ARHGAP22: variants seen among roughly 807,000 people sequenced by gnomAD.
ARHGAP22 encodes rho GTPase-activating protein 22.
A neutral mutation model predicts 59.1 loss-of-function variants in ARHGAP22; 48 were observed. The observed-to-expected ratio is 0.81, with a 90% CI of 0.64 to 1.03. The LOEUF (loss-of-function observed/expected upper bound fraction) is 1.03. Among genes scored for constraint, ARHGAP22 ranks in the 50% least tolerant of loss-of-function variants. ARHGAP22 has a pLI of 0.00. For missense variants in ARHGAP22, 1,015 were observed against 958.7 expected, an observed-to-expected ratio of 1.06 and a Z score of -0.78; for synonymous variants, 445 against 416.4, an observed-to-expected ratio of 1.07 and a Z score of -0.84.
intron 1 of ARHGAP22, among the ~76,000 whole-genome samples, chr10:48,623,763 T>G (rs2061358421): frequency 6.6e-6 from 1 of 152,250 alleles, no homozygotes; most frequent in Non-Finnish European, 1.5e-5. Context: ...TGGAAGCTGC[T>G]GCAGTGAGAA....
chr10:48,605,115 G>C, upstream of ARHGAP22: 3 of 1,253,024 alleles, frequency 2.4e-6, no homozygotes, highest in Non-Finnish European at 3.0e-6. Flanking sequence ...CTGGGCGCAC[G>C]CGTGGCTGTC....
chr10:48,451,358 G>T, intron 8 of ARHGAP22: 1 of 731,646 alleles, frequency 1.4e-6, no homozygotes, highest in Non-Finnish European at 2.4e-6. Flanking sequence ...CCTTCCTCAG[G>T]CACAGAGCCG....
chr10:48,540,917 A>G (rs1409283428), intron 3 of ARHGAP22, among the ~76,000 whole-genome samples: 1 of 151,942 alleles, frequency 6.6e-6, no homozygotes, highest in Non-Finnish European at 1.5e-5. Context: ...AGGGGATCAC[A>G]TCTCAGGATC....
intron 3 of ARHGAP22, among the ~76,000 whole-genome samples, chr10:48,507,759 G>T (rs1419502765): frequency 6.6e-6 from 1 of 152,110 alleles, no homozygotes; most frequent in Non-Finnish European, 1.5e-5. Flanking sequence ...AACCTCAAGT[G>T]GGGGCGGCCA....
At chr10:48,434,456 T>G in the ARHGAP22 span, among the ~76,000 whole-genome samples, 1 of 152,226 alleles carries the variant, frequency 6.6e-6, no homozygotes, top group South Asian at 2.1e-4. Context: ...GACTTTTTTG[T>G]AGGGAAGTAG....
At chr10:48,569,863 G>A (rs1177407124) in intron 2 of ARHGAP22, among the ~76,000 whole-genome samples, 1 of 152,198 alleles carries the variant, frequency 6.6e-6, no homozygotes, top group Non-Finnish European at 1.5e-5. Context: ...GGTGTCATCA[G>A]GCCTCTTCTA....
intron 3 of ARHGAP22, among the ~76,000 whole-genome samples, chr10:48,482,209 C>T (rs2134108103): frequency 6.6e-6 from 1 of 152,256 alleles, no homozygotes; most frequent in African/African-American, 2.4e-5. Context: ...AAGTTTTCTT[C>T]TAGGTTTTCT....
At chr10:48,644,231 C>A (rs1007215590) in intron 1 of ARHGAP22, among the ~76,000 whole-genome samples, 1 of 152,150 alleles carries the variant, frequency 6.6e-6, no homozygotes, top group Non-Finnish European at 1.5e-5. Flanking sequence ...TATTAGGAAG[C>A]TGTAACAATT....
chr10:48,494,001 T>C (rs2050676914), intron 3 of ARHGAP22, among the ~76,000 whole-genome samples: 1 of 152,224 alleles, frequency 6.6e-6, no homozygotes. Flanking sequence ...GATAGTTACT[T>C]AATCTTTCTG....
intron 3 of ARHGAP22, chr10:48,493,447 A>G: frequency 3.3e-6 from 5 of 1,536,010 alleles, no homozygotes; most frequent in Non-Finnish European, 4.4e-6. Flanking sequence ...ACCCCTGGGC[A>G]TACGCCTGCT....
intron 3 of ARHGAP22, among the ~76,000 whole-genome samples, chr10:48,516,724 A>C (rs2053324612): frequency 6.6e-6 from 1 of 152,222 alleles, no homozygotes; most frequent in Non-Finnish European, 1.5e-5. Flanking sequence ...AACAGAAGAA[A>C]GGGAATAGTT....
intron 1 of ARHGAP22, among the ~76,000 whole-genome samples, chr10:48,604,407 G>A (rs993155422): frequency 1.3e-5 from 2 of 152,244 alleles, no homozygotes; most frequent in African/African-American, 4.8e-5. Flanking sequence ...TTGGCCACAG[G>A]GCAAATCTTG....
intron 4 of ARHGAP22, among the ~76,000 whole-genome samples, chr10:48,467,676 G>GA (rs2047852424): frequency 6.6e-6 from 1 of 152,128 alleles, no homozygotes; most frequent in Admixed American, 6.5e-5. Context: ...CAAAACTCTG[G>GA]AAAAATCGTA....
chr10:48,526,475 CAG>C (rs1160032453), intron 3 of ARHGAP22, among the ~76,000 whole-genome samples: 1 of 152,184 alleles, frequency 6.6e-6, no homozygotes, highest in African/African-American at 2.4e-5. Context: ...TGAGAAAAAA[CAG>C]AGAGACCTGA....
Position 48,605,054 on chromosome 10 carries a change from A to G in ARHGAP22, c.-258T>C, listed in dbSNP as rs932615617. ...CAAGCGGACCATTAAAGCCTCAGTA[A>G]TCACTGCTGATCAATCACTGGACCA... On this transcript the variant is annotated 5_prime_UTR_variant, in exon 1 of 10. Transcript: ENST00000249601. 69 of 1,392,420 alleles carry G rather than the reference A, an allele frequency of 5.0e-5. No individual in the cohort carries two copies. The highest frequency in any genetic ancestry group is 6.0e-5 in the Non-Finnish European group (64 of 1,072,640). 86.3% of individuals were successfully genotyped at this position (1,392,420 alleles called of 1,614,324 possible).
chr10:48,509,101 C>T (rs2052476290), intron 3 of ARHGAP22, among the ~76,000 whole-genome samples: 1 of 152,240 alleles, frequency 6.6e-6, no homozygotes, highest in South Asian at 2.1e-4. Context: ...TCAGTCCACC[C>T]AACTGTAGCT....
At chr10:48,635,470 C>T (rs2061779911) in intron 1 of ARHGAP22, among the ~76,000 whole-genome samples, 3 of 152,348 alleles carry the variant, frequency 2.0e-5, no homozygotes, top group African/African-American at 7.2e-5. Context: ...GCTCCAGGCT[C>T]TCAGCCCTCG....
chr10:48,469,586 T>C (rs2048037297), intron 4 of ARHGAP22, among the ~76,000 whole-genome samples: 1 of 152,170 alleles, frequency 6.6e-6, no homozygotes. Context: ...GTGGGTAGAA[T>C]GCGCTGAGGC....
intron 2 of ARHGAP22, among the ~76,000 whole-genome samples, chr10:48,572,832 A>G (rs2058481678): frequency 6.6e-6 from 1 of 152,232 alleles, no homozygotes; most frequent in South Asian, 2.1e-4. Flanking sequence ...AAGTTAACAG[A>G]GACCAAACCT....
Sources: gnomAD v4.1 joint callset for allele counts (sites outside exome capture counted in the v4.1 genomes callset) on GRCh38, gnomAD v4.1.1 for gene constraint, MANE v1.5 for transcripts, NCBI Gene and HGNC (gene_info 2026-07-23, HGNC 2026-07-21) for gene names.